The following RASA1 variants were observed in gnomAD, a reference collection of about 807,000 sequenced individuals.
RASA1 encodes the protein ras GTPase-activating protein 1.
RASA1 carries 25 observed loss-of-function variants against 132.2 expected under a neutral mutation model. The ratio of observed to expected loss-of-function variants is 0.19; its 90% confidence interval spans 0.14 to 0.26. The LOEUF is 0.26. RASA1 is among the 10% of genes least tolerant of loss of function. RASA1 has a pLI of 1.00. For missense variants in RASA1, 964 were observed against 1,299.2 expected, an observed-to-expected ratio of 0.74 and a Z score of 3.97; for synonymous variants, 477 against 449.9, an observed-to-expected ratio of 1.06 and a Z score of -0.76.
Position 87,362,258 on chromosome 5 carries a change from T to C in RASA1, c.1333-293T>C, listed in dbSNP as rs184377900. On this transcript the variant is annotated intron_variant, in intron 9 of 24. Coordinates refer to ENST00000274376, the MANE Select transcript of RASA1 (RefSeq NM_002890.3). ...TTAAAACATGATTTGCTGTAAAATA[T>C]AACTGACTGTATTCGAAAATAGCTT... 3.8e-4 allele frequency among the ~76,000 whole-genome samples: 58 copies of C among 152,304 alleles called. 4 individuals carry two copies. In the East Asian group the frequency reaches 6.9e-3, roughly 18 times the overall value.
intron 1 of RASA1, among the ~76,000 whole-genome samples, chr5:87,304,952 T>C (rs932227075): frequency 1.3e-5 from 2 of 149,234 alleles, no homozygotes; most frequent in Non-Finnish European, 3.0e-5. Flanking sequence ...TTTTTTTTTT[T>C]TTTTTTTTTT....
chr5:87,378,388 T>G lies in RASA1; in HGVS notation c.2345-8T>G. On this transcript the variant is annotated splice_region_variant and splice_polypyrimidine_tract_variant and intron_variant, in intron 17 of 24. Coordinates refer to ENST00000274376, the MANE Select transcript of RASA1 (RefSeq NM_002890.3). ...ACAAATAATCTTCTAATGTAAATAT[T>G]TGTGTAGATGAAGCCACTACCCTAT... The G allele has an allele frequency of 6.2e-7, 1 of 1,612,610 alleles. No homozygotes were observed. Among genetic ancestry groups the G allele is most frequent in the Non-Finnish European group, 8.5e-7 (1 of 1,178,778 alleles).
chr5:87,270,706 T>C (rs1753794238), intron 1 of RASA1, among the ~76,000 whole-genome samples: 1 of 139,388 alleles, frequency 7.2e-6, no homozygotes, highest in African/African-American at 2.6e-5. Flanking sequence ...TTGGAGCATT[T>C]AGAAAGTTCT....
At chr5:87,286,828 A>C (rs1423738059) in intron 1 of RASA1, among the ~76,000 whole-genome samples, 1 of 140,000 alleles carries the variant, frequency 7.1e-6, no homozygotes, top group East Asian at 1.9e-4. Flanking sequence ...ACACACTCAC[A>C]TATATATATA....
In RASA1 at chr5:87,338,534, A is replaced by ATATATATATATATAT. The variant is rs1561292504; in HGVS notation, c.1017+443_1017+444insTATATATATATATAT. On this transcript the variant is annotated intron_variant, in intron 5 of 24. Transcript: ENST00000274376. ...ATATATATATATATATATATATATAAAATTTTTTTTTTTTTTAAGTAGAAA... is the reference window on the plus strand; with the variant it reads ...ATATATATATATATATATATATATAATATATATATATATATAATTTTTTTTTTTTTTAAGTAGAAA... 4.9e-3 allele frequency among the ~76,000 whole-genome samples: 224 copies of ATATATATATATATAT among 46,002 alleles called. 3 individuals are homozygous for ATATATATATATATAT. Among genetic ancestry groups the ATATATATATATATAT allele is most frequent in the Non-Finnish European group, 8.9e-3 (190 of 21,324 alleles). 30.2% of individuals were successfully genotyped at this position (46,002 alleles called of 152,430 possible).
intron 11 of RASA1, among the ~76,000 whole-genome samples, chr5:87,367,062 AT>A (rs1016493444): frequency 2.0e-5 from 3 of 151,616 alleles, no homozygotes; most frequent in African/African-American, 4.8e-5. Context: ...AACAACAAAA[AT>A]TTTTTTTTCA....
At chr5:87,350,789 A>T (rs1759208311) in intron 8 of RASA1, among the ~76,000 whole-genome samples, 1 of 151,506 alleles carries the variant, frequency 6.6e-6, no homozygotes, top group South Asian at 2.1e-4. Context: ...GATTTTTATA[A>T]TTTTTCTTCC....
intron 1 of RASA1, among the ~76,000 whole-genome samples, chr5:87,271,240 A>C (rs1232903028): frequency 1.3e-5 from 2 of 151,922 alleles, no homozygotes; most frequent in Non-Finnish European, 2.9e-5. Context: ...CCCCGTCTCA[A>C]AACAAACAAA....
chr5:87,351,774 A>G (rs1289529657), intron 8 of RASA1, among the ~76,000 whole-genome samples: 1 of 151,752 alleles, frequency 6.6e-6, no homozygotes, highest in Non-Finnish European at 1.5e-5. Context: ...GTAAAAACCT[A>G]TCTGATTGGT....
Position 87,363,398 on chromosome 5 carries a change from G to A in RASA1, c.1504G>A (p.Ala502Thr), listed in dbSNP as rs778999159. The change falls in exon 11 of 25, where the codon GCC becomes ACC. Residue 502 changes from alanine to threonine, a missense_variant. By Grantham distance (58) the Ala-to-Thr change is moderately conservative. Coordinates refer to ENST00000274376, the MANE Select transcript of RASA1 (RefSeq NM_002890.3). ...NLYFILEGSD[A>T]QLIYFESEKR... ...ATATTTTATCTTAGAGGGTAGTGAT[G>A]CCCAACTTATTTATTTTGAAAGCGA... 2 of 1,610,750 alleles carry A rather than the reference G, an allele frequency of 1.2e-6. No individual in the cohort carries two copies. Among genetic ancestry groups the A allele is most frequent in the African/African-American group, 1.3e-5 (1 of 74,772 alleles).
At position 87,369,971 on chromosome 5, in the gene RASA1, A is replaced by T. The variant is rs1760809030; in HGVS notation, c.1698+71A>T. The T allele has an allele frequency of 3.2e-6, 4 of 1,253,746 alleles. No individual in the cohort carries two copies. In the South Asian group the frequency reaches 5.0e-5, roughly 16 times the overall value. The allele number at this position is 1,253,746 out of a possible 1,614,324, so 77.7% of individuals were successfully genotyped here. On this transcript the variant is annotated intron_variant, in intron 12 of 24. Transcript: ENST00000274376. ...CATGTTTTCTTATTAACTGGAATAG[A>T]AAATGATCGCATTCAAGATAAAGTG...
intron 21 of RASA1, among the ~76,000 whole-genome samples, chr5:87,384,153 TC>T (rs1761914570): frequency 6.6e-6 from 1 of 152,130 alleles, no homozygotes; most frequent in African/African-American, 2.4e-5. Context: ...ATCTTCAAGA[TC>T]AAATTAAATG....
intron 11 of RASA1, among the ~76,000 whole-genome samples, chr5:87,363,854 C>T (rs1760303562): frequency 6.6e-6 from 1 of 152,002 alleles, no homozygotes; most frequent in Non-Finnish European, 1.5e-5. Context: ...GCACTCAATT[C>T]TGCTATTAAC....
chr5:87,353,088 T>A, intron 8 of RASA1, 69 bp from the exon 9 acceptor site: 1 of 1,259,334 alleles, frequency 7.9e-7, no homozygotes, highest in Non-Finnish European at 1.2e-6. Context: ...GCAAGAAAGT[T>A]TACACATATT....
At chr5:87,298,864 G>A (rs1447326219) in intron 1 of RASA1, among the ~76,000 whole-genome samples, 1 of 152,150 alleles carries the variant, frequency 6.6e-6, no homozygotes, top group Non-Finnish European at 1.5e-5. Context: ...TGTTTTATAA[G>A]CATGGCATAA....
intron 18 of RASA1, 142 bp from the exon 19 acceptor site, chr5:87,379,593 C>CA: frequency 8.5e-7 from 1 of 1,170,236 alleles, no homozygotes; most frequent in Non-Finnish European, 1.2e-6. Context: ...TAAAAACTCC[C>CA]ATTATACAAA....
chr5:87,383,883 A>G (rs977999869), intron 21 of RASA1, 103 bp downstream of exon 21: 17 of 996,080 alleles, frequency 1.7e-5, no homozygotes, highest in African/African-American at 8.3e-5. Context: ...TGATCATCCA[A>G]TTCTAGTCAT....
chr5:87,272,044 C>G (rs1178429341), intron 1 of RASA1, among the ~76,000 whole-genome samples: 4 of 151,142 alleles, frequency 2.6e-5, no homozygotes, highest in Non-Finnish European at 5.9e-5. Flanking sequence ...CCCAGCTACT[C>G]TGGAGGTTGA....
At chr5:87,352,953 T>G (rs1420207048) in intron 8 of RASA1, among the ~76,000 whole-genome samples, 1 of 152,028 alleles carries the variant, frequency 6.6e-6, no homozygotes, top group African/African-American at 2.4e-5. Flanking sequence ...CCATGTATTC[T>G]GGCCTGTAAA....
Sources: gnomAD v4.1 joint callset for allele counts (sites outside exome capture counted in the v4.1 genomes callset) on GRCh38, gnomAD v4.1.1 for gene constraint, MANE v1.5 for transcripts, NCBI Gene and HGNC (gene_info 2026-07-23, HGNC 2026-07-21) for gene names.